PAPOLA: variants seen among roughly 807,000 people sequenced by gnomAD.
PAPOLA encodes the protein poly(A) polymerase alpha, also known as polynucleotide adenylyltransferase alpha.
In PAPOLA, 15 loss-of-function variants were observed where a neutral mutation model predicts 100.6. That is an observed-to-expected ratio of 0.15 (90% CI 0.10 to 0.23). The LOEUF (loss-of-function observed/expected upper bound fraction) is 0.23, where lower values mean the gene tolerates loss of function less well. Ranked by LOEUF, PAPOLA falls within the 10% of genes least tolerant of loss-of-function variation. The pLI is 1.00. For missense variants in PAPOLA, 533 were observed against 884.2 expected (o/e 0.60, Z 5.04); for synonymous variants, 293 against 300.0 (o/e 0.98, Z 0.24).
At chr14:96,542,676 G>C in intron 13 of PAPOLA, 98 bp from the exon 14 acceptor site, 1 of 1,121,872 alleles carries the variant, frequency 8.9e-7, no homozygotes, top group Non-Finnish European at 1.3e-6. Context: ...TTTATCTGTG[G>C]GAGTTCAGCT....
In PAPOLA at chr14:96,521,025, CTAAA is replaced by C; in HGVS notation, c.206_209del (p.Asn69ThrfsTer3). 6.5e-7 allele frequency: 1 copy of C among 1,534,958 alleles called. No homozygotes were observed. Among genetic ancestry groups the C allele is most frequent in the Non-Finnish European group, 9.0e-7 (1 of 1,108,670 alleles). The stretch of plus-strand genomic sequence containing the variant: ...CAACAGGATTTTAATTTTGGGAAAA[CTAAA>C]TAACCTGGTAAAAGAGTGGATACGA... On this transcript the variant is annotated frameshift_variant, in exon 3 of 22. Transcript: ENST00000216277. LOFTEE classifies it high-confidence loss of function.
chr14:96,557,268 C>G (rs527970202), intron 19 of PAPOLA, among the ~76,000 whole-genome samples: 4 of 152,196 alleles, frequency 2.6e-5, no homozygotes, highest in African/African-American at 9.6e-5. Context: ...CCAGGCTTGT[C>G]TCCAGCTCCT....
intron 12 of PAPOLA, among the ~76,000 whole-genome samples, chr14:96,539,512 A>G (rs1401006326): frequency 6.6e-6 from 1 of 152,138 alleles, no homozygotes; most frequent in Non-Finnish European, 1.5e-5. Context: ...CTTTGCATAA[A>G]TTCTAATTAT....
chr14:96,526,198 T>G (rs1334781814), intron 4 of PAPOLA: 1 of 152,240 alleles, frequency 6.6e-6, no homozygotes, highest in African/African-American at 2.4e-5. Flanking sequence ...CACTGAGTAC[T>G]GAGATCTTCA....
rs1371488714 is a variant in PAPOLA, at chr14:96,537,070, T to C, written c.1115+10T>C. 6.8e-7 allele frequency: 1 copy of C among 1,475,880 alleles called. No homozygotes were observed. 91.4% of individuals were successfully genotyped at this position (1,475,880 alleles called of 1,614,324 possible). A position where few individuals can be genotyped will look rare whatever the true frequency, so the allele number is the denominator to read the frequency against. ...TCTTTCAAAAGTACAAGTATGTATTTTAAGGCATGTCGGACATGTTGCTCT... is the reference window on the plus strand; with the variant it reads ...TCTTTCAAAAGTACAAGTATGTATTCTAAGGCATGTCGGACATGTTGCTCT... On this transcript the variant is annotated intron_variant, in intron 12 of 21. Coordinates refer to ENST00000216277, the MANE Select transcript of PAPOLA (RefSeq NM_032632.5).
intron 16 of PAPOLA, among the ~76,000 whole-genome samples, chr14:96,550,084 G>T (rs1030989588): frequency 6.6e-6 from 1 of 152,164 alleles, no homozygotes; most frequent in South Asian, 2.1e-4. Context: ...ATAGTTCAAG[G>T]CTGCAGTGAA....
At chr14:96,532,848 G>T in intron 9 of PAPOLA, 199 bp downstream of exon 9, 1 of 1,299,290 alleles carries the variant, frequency 7.7e-7, no homozygotes, top group Non-Finnish European at 9.7e-7. Context: ...AGGATAGTAA[G>T]GCAGATTCTA....
intron 1 of PAPOLA, among the ~76,000 whole-genome samples, chr14:96,512,366 C>A (rs1271032771): frequency 2.0e-5 from 3 of 151,958 alleles, no homozygotes; most frequent in African/African-American, 7.3e-5. Context: ...GAGCAAGACA[C>A]CATCTCTAAA....
chr14:96,535,851 G>A (rs1162666500), intron 10 of PAPOLA, 28 bp from the exon 11 acceptor site: 1 of 1,511,176 alleles, frequency 6.6e-7, no homozygotes, highest in Non-Finnish European at 8.9e-7. Flanking sequence ...TGTACTTGAA[G>A]AAACTGATTG....
intron 16 of PAPOLA, among the ~76,000 whole-genome samples, chr14:96,551,156 GC>G (rs1428328676): frequency 6.6e-6 from 1 of 152,170 alleles, no homozygotes; most frequent in African/African-American, 2.4e-5. Context: ...AGCAAACAAA[GC>G]AAAGTAGCTT....
intron 6 of PAPOLA, among the ~76,000 whole-genome samples, chr14:96,530,879 G>GT (rs1898947999): frequency 6.6e-6 from 1 of 151,992 alleles, no homozygotes. Flanking sequence ...CGGTGGCATG[G>GT]TTTTGACTTA....
At chr14:96,542,347 C>T (rs781392855) in intron 13 of PAPOLA, 51 bp downstream of exon 13, 1 of 1,091,456 alleles carries the variant, frequency 9.2e-7, no homozygotes, top group Admixed American at 1.8e-5. Context: ...AAATGAATCA[C>T]ATAGCCACTG....
intron 16 of PAPOLA, among the ~76,000 whole-genome samples, chr14:96,548,534 T>G (rs192438653): frequency 7.2e-5 from 11 of 152,278 alleles, no homozygotes; most frequent in African/African-American, 1.4e-4. Context: ...CGTTTTTTCT[T>G]TAAGTGATTT....
chr14:96,560,524 A>C, intron 19 of PAPOLA, 125 bp from the exon 20 acceptor site: 1 of 668,680 alleles, frequency 1.5e-6, no homozygotes, highest in Non-Finnish European at 2.6e-6. Context: ...TATCTATTTT[A>C]AGGCTGTAGT....
At chr14:96,518,429 G>A (rs1388370943) in intron 1 of PAPOLA, among the ~76,000 whole-genome samples, 5 of 148,944 alleles carry the variant, frequency 3.4e-5, no homozygotes, top group Admixed American at 2.7e-4. Context: ...TTTTTTTTGA[G>A]ACGGAGTCTC....
intron 12 of PAPOLA, among the ~76,000 whole-genome samples, chr14:96,540,448 A>G (rs1899890126): frequency 6.8e-6 from 1 of 147,570 alleles, no homozygotes. Context: ...GCCATTTTTA[A>G]TGTTTTAGGG....
intron 13 of PAPOLA, 26 bp from the exon 14 acceptor site, chr14:96,542,744 TTTTG>T (rs748575581): frequency 6.4e-7 from 1 of 1,571,714 alleles, no homozygotes. Context: ...AACCAAAACT[TTTTG>T]TTAATACTAA....
intron 20 of PAPOLA, 71 bp from the exon 21 acceptor site, chr14:96,562,748 C>G (rs1360456287): frequency 1.5e-5 from 14 of 913,800 alleles, no homozygotes; most frequent in Non-Finnish European, 2.3e-5. Flanking sequence ...TATTAGCCAC[C>G]AAACCCAGTT....
chr14:96,505,383 C>G (rs1305449847), intron 1 of PAPOLA, among the ~76,000 whole-genome samples: 2 of 152,142 alleles, frequency 1.3e-5, no homozygotes, highest in African/African-American at 2.4e-5. Flanking sequence ...CTTATGGAAA[C>G]TAGATGTATT....
Sources: allele counts gnomAD v4.1 joint callset (sites outside exome capture counted in the v4.1 genomes callset), GRCh38; gene constraint gnomAD v4.1.1; transcripts MANE v1.5; gene names NCBI Gene and HGNC (gene_info 2026-07-23, HGNC 2026-07-21).